DIP2C: variants seen among roughly 807,000 people sequenced by gnomAD.
The protein encoded by DIP2C is DIP2 acetate--CoA ligase C (putative), also known as disco-interacting protein 2 homolog C.
Under a neutral mutation model 192.4 loss-of-function variants are expected in DIP2C, and 33 were observed. The ratio of observed to expected loss-of-function variants is 0.17; its 90% CI spans 0.13 to 0.23. The LOEUF (loss-of-function observed/expected upper bound fraction) is 0.23. Ranked by LOEUF, DIP2C falls within the 10% of genes least tolerant of loss-of-function variation. The probability of loss-of-function intolerance (pLI) is 1.00; values close to 1 mark genes in which losing one functional copy is unlikely to be tolerated. For missense variants in DIP2C, 1,537 were observed against 2,110.1 expected, an observed-to-expected ratio of 0.73 and a Z score of 5.32; for synonymous variants, 979 against 864.1, an observed-to-expected ratio of 1.13 and a Z score of -2.33.
chr10:543,933 T>C (rs868508072), intron 1 of DIP2C, among the ~76,000 whole-genome samples: 8 of 152,384 alleles, frequency 5.2e-5, no homozygotes, highest in Admixed American at 2.0e-4. Context: ...CGCCAGCCCC[T>C]GGCAATCGCC....
intron 1 of DIP2C, among the ~76,000 whole-genome samples, chr10:610,617 G>C (rs991319142): frequency 2.0e-5 from 3 of 152,246 alleles, no homozygotes; most frequent in Non-Finnish European, 4.4e-5. Context: ...CGTTTGCGAA[G>C]CAAGTGCAGG....
intron 1 of DIP2C, among the ~76,000 whole-genome samples, chr10:568,578 T>C (rs1849578156): frequency 6.6e-6 from 1 of 151,704 alleles, no homozygotes; most frequent in Non-Finnish European, 1.5e-5. Context: ...CCATCCTGGC[T>C]GACACGGTGA....
At chr10:381,933 A>C (rs561489733) in intron 17 of DIP2C, among the ~76,000 whole-genome samples, 1 of 152,188 alleles carries the variant, frequency 6.6e-6, no homozygotes, top group Non-Finnish European at 1.5e-5. Context: ...GACAGCCGAC[A>C]CAACTTCTCT....
chr10:400,299 C>G (rs1964313452), intron 9 of DIP2C, among the ~76,000 whole-genome samples: 1 of 150,932 alleles, frequency 6.6e-6, no homozygotes, highest in African/African-American at 2.5e-5. Context: ...GTTGGGATTA[C>G]AGATGTGAGC....
chr10:624,842 G>A (rs1226439142), intron 1 of DIP2C, among the ~76,000 whole-genome samples: 1 of 152,154 alleles, frequency 6.6e-6, no homozygotes, highest in Non-Finnish European at 1.5e-5. Flanking sequence ...CGGAAGCTGT[G>A]AAGACGGAGG....
At chr10:446,309 G>C (rs1968207375) in intron 3 of DIP2C, among the ~76,000 whole-genome samples, 3 of 151,918 alleles carry the variant, frequency 2.0e-5, no homozygotes, top group Admixed American at 1.3e-4. Context: ...CTGTTGCGAA[G>C]AGTCTATCTT....
rs569424093 is a variant in DIP2C at position 468,149 on chromosome 10, G to T, written c.268+4290C>A. On this transcript the variant is annotated intron_variant, in intron 3 of 36. Coordinates refer to ENST00000280886, the MANE Select transcript of DIP2C (RefSeq NM_014974.3). ...AGAAAATTGTGAAATCTGTCTATTGGTAATAAACTAACATAAGCTCCTCTT... is the reference window on the plus strand; with the variant it reads ...AGAAAATTGTGAAATCTGTCTATTGTTAATAAACTAACATAAGCTCCTCTT... Among the ~76,000 whole-genome samples the T allele has an allele frequency of 2.6e-5, 4 of 152,166 alleles. No homozygotes were observed. The South Asian group carries it at 8.3e-4, about 32-fold the overall frequency.
intron 32 of DIP2C, among the ~76,000 whole-genome samples, chr10:291,340 T>C (rs1955489375): frequency 6.6e-6 from 1 of 152,220 alleles, no homozygotes; most frequent in Admixed American, 6.5e-5. Flanking sequence ...GTGTTTTGTA[T>C]GAAAACAGGC....
chr10:384,174 CAT>C (rs1564643077), intron 15 of DIP2C, 28 bp from the exon 16 acceptor site: 1 of 1,606,206 alleles, frequency 6.2e-7, no homozygotes, highest in South Asian at 1.1e-5. Flanking sequence ...AATAAGTTAA[CAT>C]GTGCCACCGT....
In DIP2C at chr10:390,349, A is replaced by G; in HGVS notation, c.1409T>C (p.Val470Ala). 1 of 1,613,970 alleles carries G rather than the reference A, an allele frequency of 6.2e-7. No homozygotes were observed. The highest frequency in any genetic ancestry group is 8.5e-7 in the Non-Finnish European group (1 of 1,179,986). The change falls in exon 12 of 37, where the codon GTC (valine) becomes GCC (alanine). Residue 470 changes from valine to alanine, a missense_variant. By Grantham distance (64) the Val-to-Ala change is moderately conservative (BLOSUM62 0). Around this residue, in one of 4 missense-constraint regions of DIP2C, gnomAD observed 677 missense variants for 989.9 expected, o/e 0.68. Coordinates refer to ENST00000280886, the MANE Select transcript of DIP2C (RefSeq NM_014974.3). ...TTTGGAGAGATGTTTAGACTCTGTG[A>G]CAAACCACAGCAGCTTTGGCCAACC... ...FKGWPKLLWF[V>A]TESKHLSKPP...
intron 24 of DIP2C, among the ~76,000 whole-genome samples, chr10:351,190 G>A (rs1020444573): frequency 2.6e-5 from 4 of 152,194 alleles, no homozygotes; most frequent in African/African-American, 4.8e-5. Flanking sequence ...GACGCCGCAC[G>A]GACGAACAGT....
chr10:363,051 T>C lies in DIP2C; in HGVS notation c.2592+146A>G, dbSNP rs1589611632. The C allele has an allele frequency of 7.2e-6, 5 of 690,976 alleles. No individual in the cohort carries two copies. The East Asian group carries it at 8.2e-5, about 11-fold the overall frequency. The allele number at this position is 690,976 out of a possible 1,614,324, so 42.8% of individuals were successfully genotyped here. ...ATCTGCTGAGCTAGTTTCTGGACAC[T>C]TGATGTAGTTCCTGATCAAATGAAG... On this transcript the variant is annotated intron_variant, in intron 21 of 36. Transcript: ENST00000280886. This position sits in a 1 kb window ranked among gnomAD's most constrained non-coding sequence, Gnocchi z 5.4.
intron 1 of DIP2C, among the ~76,000 whole-genome samples, chr10:571,275 A>G (rs1048740553): frequency 1.3e-5 from 2 of 152,188 alleles, no homozygotes; most frequent in African/African-American, 4.8e-5. Context: ...CGTCGACCAC[A>G]TCTCAGGTCA....
intron 1 of DIP2C, among the ~76,000 whole-genome samples, chr10:555,800 C>T (rs1208205684): frequency 6.6e-6 from 1 of 152,104 alleles, no homozygotes; most frequent in African/African-American, 2.4e-5. Flanking sequence ...ACGCAGGATG[C>T]CACTCTCAAG....
At chr10:673,483 T>A (rs1288667030) in intron 1 of DIP2C, among the ~76,000 whole-genome samples, 1 of 152,186 alleles carries the variant, frequency 6.6e-6, no homozygotes, top group African/African-American at 2.4e-5. Flanking sequence ...TTGCTCTTCA[T>A]CCCACATCAC....
intron 1 of DIP2C, among the ~76,000 whole-genome samples, chr10:640,835 A>C (rs1223340320): frequency 6.6e-6 from 1 of 151,994 alleles, no homozygotes; most frequent in Non-Finnish European, 1.5e-5. Context: ...TCAAGGCTGG[A>C]GACTCCAACA....
chr10:530,044 C>G (rs934616492), intron 1 of DIP2C, among the ~76,000 whole-genome samples: 1 of 152,082 alleles, frequency 6.6e-6, no homozygotes. Flanking sequence ...TGGATGCACT[C>G]CGGTTGCCCG....
At chr10:570,612 C>A (rs117759397) in intron 1 of DIP2C, among the ~76,000 whole-genome samples, 1 of 152,186 alleles carries the variant, frequency 6.6e-6, no homozygotes, top group Non-Finnish European at 1.5e-5. Flanking sequence ...CCTCCCCTAC[C>A]ACCCGACCTG....
At chr10:343,016 A>G (rs975930949) in intron 28 of DIP2C, among the ~76,000 whole-genome samples, 33 of 152,214 alleles carry the variant, frequency 2.2e-4, no homozygotes, top group Admixed American at 5.2e-4. Context: ...ACGGCTGGGC[A>G]AGGTGGCTCA....
Sources: gnomAD v4.1 joint callset for allele counts (sites outside exome capture counted in the v4.1 genomes callset) on GRCh38, gnomAD v4.1.1 for gene constraint, gnomAD v4.1.1 regional missense constraint, Gnocchi (gnomAD v3.1) non-coding constraint, MANE v1.5 for transcripts, NCBI Gene and HGNC (gene_info 2026-07-23, HGNC 2026-07-21) for gene names.